Variants in RALGPS1 observed in about 807,000 individuals in gnomAD.
RALGPS1 encodes ras-specific guanine nucleotide-releasing factor RalGPS1.
Under a neutral mutation model 78.8 loss-of-function variants are expected in RALGPS1, and 19 were observed. The ratio of observed to expected loss-of-function variants is 0.24; its 90% CI spans 0.17 to 0.35. RALGPS1 has a LOEUF of 0.35. RALGPS1 is among the 10% of genes least tolerant of loss of function. RALGPS1 has a pLI of 1.00. For missense variants in RALGPS1, 454 were observed against 688.3 expected (o/e 0.66, Z 3.81); for synonymous variants, 228 against 256.3 (o/e 0.89, Z 1.06).
rs147444356 is a variant in RALGPS1, at chr9:127,083,371, C to T, written c.610+14015C>T. On this transcript the variant is annotated intron_variant, in intron 8 of 18. Transcript: ENST00000259351. ...TATGCTGGCACTCAGATCAGGAGGA[C>T]GTGAACTGAAAAATGCCATCTGGTG... Among the ~76,000 whole-genome samples, 97 of 152,268 alleles carry T rather than the reference C, an allele frequency of 6.4e-4. 2 individuals carry two copies. The highest frequency in any genetic ancestry group is 2.2e-3 in the African/African-American group (90 of 41,564).
intron 8 of RALGPS1, chr9:127,108,077 C>T (rs937476129): frequency 3.5e-5 from 20 of 576,058 alleles, no homozygotes; most frequent in Middle Eastern, 3.4e-4. Flanking sequence ...GGCGGGGCAG[C>T]GGGGGGTGGC....
intron 4 of RALGPS1, among the ~76,000 whole-genome samples, chr9:126,984,190 A>C (rs1361105434): frequency 2.0e-5 from 3 of 152,140 alleles, no homozygotes; most frequent in African/African-American, 7.2e-5. Flanking sequence ...CTGCAGCCTC[A>C]AACTTGTGGG....
chr9:127,211,687 C>T lies in RALGPS1; in HGVS notation c.1248-444C>T, dbSNP rs936121581. On this transcript the variant is annotated intron_variant, in intron 14 of 18. Transcript: ENST00000259351. The surrounding 1 kb of genome is among the most constrained non-coding windows in gnomAD (Gnocchi z 5.0). ...CGTGTGGGCTCGCGTCCCTCCTGTC[C>T]CTCCACACCACCTCTTCCCTTCCTC... 4.6e-5 allele frequency among the ~76,000 whole-genome samples: 7 copies of T among 152,084 alleles called. No individual in the cohort carries two copies. The highest frequency in any genetic ancestry group is 1.4e-4 in the African/African-American group (6 of 41,404).
chr9:126,988,767 C>T (rs2042024410), intron 4 of RALGPS1, among the ~76,000 whole-genome samples: 1 of 152,052 alleles, frequency 6.6e-6, no homozygotes, highest in South Asian at 2.1e-4. Flanking sequence ...GCTGCAAGGG[C>T]CAAGATGAGA....
chr9:126,928,970 CTT>C, intron 1 of RALGPS1, among the ~76,000 whole-genome samples: 1 of 152,228 alleles, frequency 6.6e-6, no homozygotes, highest in African/African-American at 2.4e-5. Flanking sequence ...AGTTTTCTCA[CTT>C]TCTCTCTAAT....
At position 127,211,484 on chromosome 9, in the gene RALGPS1, C is replaced by T. The variant is rs904500741; in HGVS notation, c.1248-647C>T. ...GGGCATCCGAGAGGAAGAAAATCCC[C>T]GCTTTCTGGCTGAAGCAGCCAGTAG... On this transcript the variant is annotated intron_variant, in intron 14 of 18. Transcript: ENST00000259351. This position sits in a 1 kb window ranked among gnomAD's most constrained non-coding sequence, Gnocchi z 5.0. Among the ~76,000 whole-genome samples, 7 of 152,264 alleles carry T rather than the reference C, an allele frequency of 4.6e-5. No homozygotes were observed. The highest frequency in any genetic ancestry group is 7.2e-5 in the African/African-American group (3 of 41,546).
At position 127,091,742 on chromosome 9, in the gene RALGPS1, C is replaced by T; in HGVS notation, c.610+22386C>T. The T allele has an allele frequency of 6.2e-7, 1 of 1,614,032 alleles. No individual in the cohort carries two copies. The highest frequency in any genetic ancestry group is 8.5e-7 in the Non-Finnish European group (1 of 1,180,042). On this transcript the variant is annotated intron_variant, in intron 8 of 18. Coordinates refer to ENST00000259351, the MANE Select transcript of RALGPS1 (RefSeq NM_014636.3). This position sits in a 1 kb window ranked among gnomAD's most constrained non-coding sequence, Gnocchi z 4.3. ...TTGTGCCATGTAAAGGAGTCACCCG[C>T]ATTGCCATGGTAGCGCCCCAGCCGC...
intron 18 of RALGPS1, chr9:127,217,173 A>T: frequency 7.9e-7 from 1 of 1,263,904 alleles, no homozygotes; most frequent in Non-Finnish European, 9.9e-7. Context: ...GTATTGGCAG[A>T]TGTGGTGTAG....
intron 11 of RALGPS1, among the ~76,000 whole-genome samples, chr9:127,185,079 G>A (rs1286190558): frequency 2.0e-5 from 3 of 152,056 alleles, no homozygotes; most frequent in Admixed American, 6.6e-5. Flanking sequence ...ACTTCTCATC[G>A]TGTCCCCAGA....
Position 127,093,992 on chromosome 9 carries a change from C to G in RALGPS1, c.610+24636C>G, listed in dbSNP as rs1454977963. ...TCACCAGGCCGCACCCCCAGCTGCA[C>G]CCCAAGCAGGCACAACCTCTGTTGA... On this transcript the variant is annotated intron_variant, in intron 8 of 18. Coordinates refer to ENST00000259351, the MANE Select transcript of RALGPS1 (RefSeq NM_014636.3). 9 of 1,551,878 alleles carry G rather than the reference C, an allele frequency of 5.8e-6. No individual in the cohort carries two copies. In the South Asian group the frequency reaches 9.3e-5, roughly 16 times the overall value.
intron 8 of RALGPS1, chr9:127,088,408 C>G (rs1403230641): frequency 1.3e-5 from 2 of 158,748 alleles, no homozygotes; most frequent in African/African-American, 4.8e-5. Flanking sequence ...AGTCTGTGAT[C>G]TACCCTTAGA....
chr9:127,107,870 C>T (rs1410174430), intron 8 of RALGPS1: 1 of 1,502,714 alleles, frequency 6.7e-7, no homozygotes, highest in South Asian at 1.3e-5. Flanking sequence ...AAGCCTGGTG[C>T]CTGGCTCTGA....
intron 8 of RALGPS1, among the ~76,000 whole-genome samples, chr9:127,086,206 A>T (rs1212506777): frequency 6.6e-6 from 1 of 152,220 alleles, no homozygotes; most frequent in Admixed American, 6.5e-5. Context: ...GCTTTACTAG[A>T]AAAAGCTATC....
chr9:127,146,910 G>C (rs2058127764), intron 8 of RALGPS1, among the ~76,000 whole-genome samples: 1 of 152,236 alleles, frequency 6.6e-6, no homozygotes, highest in Non-Finnish European at 1.5e-5. Context: ...TGGGATTGCA[G>C]GGTTGAATAG....
At chr9:126,930,840 A>G (rs1490365766) in intron 1 of RALGPS1, among the ~76,000 whole-genome samples, 1 of 152,210 alleles carries the variant, frequency 6.6e-6, no homozygotes, top group African/African-American at 2.4e-5. Context: ...GTTGCCTACT[A>G]TATAAAAGCA....
At position 126,958,856 on chromosome 9, in the gene RALGPS1, G is replaced by A. The variant is rs149782534; in HGVS notation, c.-65-3369G>A. On this transcript the variant is annotated intron_variant, in intron 1 of 18. Coordinates refer to ENST00000259351, the MANE Select transcript of RALGPS1 (RefSeq NM_014636.3). ...AGAATACCAAACGATCTTTCAAAGT[G>A]CCTGTGCCATTCTGCCTTCCCACCA... 5.5e-4 allele frequency among the ~76,000 whole-genome samples: 84 copies of A among 152,270 alleles called. 1 individual carries two copies. In the East Asian group the frequency reaches 0.015, roughly 28 times the overall value.
intron 5 of RALGPS1, among the ~76,000 whole-genome samples, chr9:127,042,549 T>G (rs1402337098): frequency 6.6e-6 from 1 of 152,160 alleles, no homozygotes; most frequent in Non-Finnish European, 1.5e-5. Context: ...ACAAAAGTCC[T>G]TCAGCCAACA....
At chr9:127,094,949 C>T (rs1295967751) in intron 8 of RALGPS1, among the ~76,000 whole-genome samples, 1 of 152,220 alleles carries the variant, frequency 6.6e-6, no homozygotes, top group African/African-American at 2.4e-5. Flanking sequence ...TTGTTGGTCA[C>T]ATCAGCAAGA....
chr9:127,142,127 G>A (rs1319972755), intron 8 of RALGPS1, among the ~76,000 whole-genome samples: 1 of 152,208 alleles, frequency 6.6e-6, no homozygotes, highest in East Asian at 1.9e-4. Flanking sequence ...CAAAGGCTGT[G>A]GGCACTCCTG....
Sources: gnomAD v4.1 joint callset for allele counts (sites outside exome capture counted in the v4.1 genomes callset) on GRCh38, gnomAD v4.1.1 for gene constraint, Gnocchi (gnomAD v3.1) non-coding constraint, MANE v1.5 for transcripts, NCBI Gene and HGNC (gene_info 2026-07-23, HGNC 2026-07-21) for gene names.